The following UQCC5 variants were observed in gnomAD, a reference collection of about 807,000 sequenced individuals.
UQCC5 encodes the protein UPF0640 protein C3orf78.
At chr3:52,538,459 A>G in the UQCC5 span, among the ~76,000 whole-genome samples, 1 of 152,156 alleles carries the variant, frequency 6.6e-6, no homozygotes, top group Non-Finnish European at 1.5e-5. Context: ...CAACATTTTA[A>G]TTTAATTTAT....
At chr3:52,536,680 G>T in the UQCC5 span, 5 of 1,528,606 alleles carry the variant, frequency 3.3e-6, no homozygotes, top group Non-Finnish European at 4.4e-6. Flanking sequence ...GCGAGAACGG[G>T]CGGGGCGGTC....
chr3:52,536,623 C>G, the UQCC5 span: 1 of 1,473,936 alleles, frequency 6.8e-7, no homozygotes, highest in Non-Finnish European at 9.0e-7. Context: ...GCCTACCAGA[C>G]AGTGGCGGAG....
At chr3:52,539,967 G>T in the UQCC5 span, among the ~76,000 whole-genome samples, 6 of 152,274 alleles carry the variant, frequency 3.9e-5, no homozygotes, top group African/African-American at 1.4e-4. Flanking sequence ...TGAAGGTGGC[G>T]AGTCAAAGGT....
chr3:52,537,503 CCT>C, the UQCC5 span, among the ~76,000 whole-genome samples: 1 of 152,200 alleles, frequency 6.6e-6, no homozygotes, highest in Non-Finnish European at 1.5e-5. Context: ...CTGCTTTGCC[CCT>C]CTCCTGAAAC....
At chr3:52,536,851 G>A in the UQCC5 span, 1 of 1,551,714 alleles carries the variant, frequency 6.4e-7, no homozygotes, top group Non-Finnish European at 8.7e-7. Flanking sequence ...TTTTTGTCCT[G>A]GGAGGAACGA....
At chr3:52,541,570 G>C in the UQCC5 span, 1 of 152,216 alleles carries the variant, frequency 6.6e-6, no homozygotes, top group South Asian at 2.1e-4. Flanking sequence ...CTACAGTGCA[G>C]CAAGCCCAGA....
the UQCC5 span, among the ~76,000 whole-genome samples, chr3:52,538,995 C>T: frequency 6.6e-6 from 1 of 152,076 alleles, no homozygotes; most frequent in Admixed American, 6.5e-5. Context: ...AGCTGGGTGA[C>T]AGGAGTAAGC....
At chr3:52,540,654 T>C in the UQCC5 span, 1 of 549,044 alleles carries the variant, frequency 1.8e-6, no homozygotes, top group Non-Finnish European at 3.1e-6. Flanking sequence ...CTGTCTCTGC[T>C]TGAGTACTTC....
chr3:52,539,639 T>G, the UQCC5 span, among the ~76,000 whole-genome samples: 4 of 34,834 alleles, frequency 1.1e-4, no homozygotes, highest in African/African-American at 5.4e-4. Context: ...AGGAAGAAGA[T>G]TTTTTTTTTT....
chr3:52,539,077 G>T, the UQCC5 span, among the ~76,000 whole-genome samples: 1 of 152,048 alleles, frequency 6.6e-6, no homozygotes, highest in African/African-American at 2.4e-5. Flanking sequence ...ATGGCCATTT[G>T]GGGGTGGGTG....
At chr3:52,538,538 C>T in the UQCC5 span, among the ~76,000 whole-genome samples, 10 of 152,182 alleles carry the variant, frequency 6.6e-5, no homozygotes, top group South Asian at 8.3e-4. Context: ...CTTGGCTCAC[C>T]GCAACCTCTG....
At chr3:52,539,975 G>A in the UQCC5 span, among the ~76,000 whole-genome samples, 1 of 152,308 alleles carries the variant, frequency 6.6e-6, no homozygotes, top group East Asian at 1.9e-4. Flanking sequence ...GCGAGTCAAA[G>A]GTCTGGCAAA....
chr3:52,540,650 C>T, the UQCC5 span: 1 of 556,276 alleles, frequency 1.8e-6, no homozygotes, highest in East Asian at 3.3e-5. Context: ...AGTTCTGTCT[C>T]TGCTTGAGTA....
chr3:52,536,985 C>G, the UQCC5 span: 1 of 1,520,924 alleles, frequency 6.6e-7, no homozygotes, highest in Non-Finnish European at 8.9e-7. Context: ...GGGGAGTATT[C>G]TCAGATTGCA....
chr3:52,537,763 G>A, the UQCC5 span, among the ~76,000 whole-genome samples: 3 of 133,422 alleles, frequency 2.2e-5, no homozygotes, highest in African/African-American at 5.7e-5. Flanking sequence ...AGGACTCTCG[G>A]GTGGGCGCCT....
chr3:52,539,334 G>A, the UQCC5 span, among the ~76,000 whole-genome samples: 2,182 of 152,248 alleles, frequency 0.014, 19 homozygotes, highest in Non-Finnish European at 0.023. Flanking sequence ...CGGGTAAGAC[G>A]GGGCCAAGGA....
the UQCC5 span, among the ~76,000 whole-genome samples, chr3:52,538,332 T>C: frequency 9.2e-5 from 14 of 152,318 alleles, no homozygotes; most frequent in East Asian, 2.5e-3. Flanking sequence ...CTGGGCACCA[T>C]CTGGGACGTG....
chr3:52,540,656 G>A, the UQCC5 span: 1 of 544,666 alleles, frequency 1.8e-6, no homozygotes, highest in South Asian at 2.6e-5. Context: ...GTCTCTGCTT[G>A]AGTACTTCCC....
the UQCC5 span, chr3:52,536,652 C>A: frequency 1.3e-6 from 2 of 1,502,326 alleles, no homozygotes; most frequent in East Asian, 2.5e-5. Context: ...TCGCTAGTCT[C>A]CCAGGTCGCG....
Sources: gnomAD v4.1 joint callset for allele counts (sites outside exome capture counted in the v4.1 genomes callset) on GRCh38, gnomAD v4.1.1 for gene constraint, MANE v1.5 for transcripts, NCBI Gene and HGNC (gene_info 2026-07-23, HGNC 2026-07-21) for gene names.